The following ACMSD variants were observed in gnomAD, a reference collection of about 807,000 sequenced individuals.
The protein encoded by ACMSD is aminocarboxymuconate semialdehyde decarboxylase.
A neutral mutation model predicts 45.9 loss-of-function variants in ACMSD; 37 were observed. The ratio of observed to expected loss-of-function variants is 0.81; its 90% CI spans 0.62 to 1.06. The LOEUF is 1.06. Among genes scored for constraint, ACMSD ranks in the 50% least tolerant of loss-of-function variants. ACMSD has a pLI of 0.00. For synonymous variants in ACMSD, 138 were observed against 148.8 expected, an observed-to-expected ratio of 0.93 and a Z score of 0.53; for missense variants, 434 against 420.9, an observed-to-expected ratio of 1.03 and a Z score of -0.27.
intron 6 of ACMSD, among the ~76,000 whole-genome samples, chr2:134,870,232 A>T (rs1175609768): frequency 6.6e-6 from 1 of 152,230 alleles, no homozygotes; most frequent in South Asian, 2.1e-4. Context: ...GGCATTAGAC[A>T]TGGACCAGCT....
chr2:134,865,677 C>G (rs1688064250), intron 5 of ACMSD, among the ~76,000 whole-genome samples: 1 of 152,188 alleles, frequency 6.6e-6, no homozygotes, highest in African/African-American at 2.4e-5. Context: ...TATCATGAGC[C>G]AGGTTGGCTT....
At position 134,852,428 on chromosome 2, in the gene ACMSD, C is replaced by A. The variant is rs571383239; in HGVS notation, c.103-6833C>A. Among the ~76,000 whole-genome samples, 34 of 152,150 alleles carry A rather than the reference C, an allele frequency of 2.2e-4. No homozygotes were observed. In the South Asian group the frequency reaches 3.1e-3, roughly 14 times the overall value. The stretch of plus-strand genomic sequence containing the variant: ...AGCAGTGGAGGTGGAGAGAAGTGGA[C>A]CAGCCATCGTAGGCAATATTCTGGA... On this transcript the variant is annotated intron_variant, in intron 2 of 9. Transcript: ENST00000356140.
At chr2:134,893,552 T>C (rs545425638) in intron 8 of ACMSD, among the ~76,000 whole-genome samples, 28 of 152,274 alleles carry the variant, frequency 1.8e-4, no homozygotes, top group African/African-American at 6.7e-4. Context: ...CTCTGCCTCT[T>C]TTGTAGGCAT....
At chr2:134,842,450 C>T (rs1408192376) in intron 1 of ACMSD, among the ~76,000 whole-genome samples, 1 of 152,146 alleles carries the variant, frequency 6.6e-6, no homozygotes, top group Non-Finnish European at 1.5e-5. Context: ...TGGAATAAGA[C>T]TGTCGCCACA....
chr2:134,840,456 C>A (rs1181713957), intron 1 of ACMSD, among the ~76,000 whole-genome samples: 6 of 152,126 alleles, frequency 3.9e-5, no homozygotes. Flanking sequence ...CAGGTGAAAC[C>A]CTCATCCACA....
intron 8 of ACMSD, among the ~76,000 whole-genome samples, chr2:134,886,246 A>ATTATTATTATTATTTTTTT: frequency 8.7e-6 from 1 of 115,476 alleles, no homozygotes; most frequent in Middle Eastern, 4.0e-3. Flanking sequence ...TATTATTATT[A>ATTATTATTATTATTTTTTT]TTTTTTTTTT....
intron 2 of ACMSD, among the ~76,000 whole-genome samples, chr2:134,850,820 C>G (rs1687304993): frequency 1.3e-5 from 2 of 152,134 alleles, no homozygotes; most frequent in Admixed American, 1.3e-4. Context: ...TCAGAGGATA[C>G]AGGTGCAGGT....
Position 134,840,167 on chromosome 2 carries a change from C to CAAAAAAA in ACMSD, c.57+1448_57+1454dup, listed in dbSNP as rs1158518481. 4.8e-3 allele frequency among the ~76,000 whole-genome samples: 112 copies of CAAAAAAA among 23,422 alleles called. 19 individuals are homozygous for CAAAAAAA. The East Asian group carries it at 0.058, about 12-fold the overall frequency. 15.4% of individuals were successfully genotyped at this position (23,422 alleles called of 152,430 possible). ...TAAAATAGCCATAAACTATACCTAG[C>CAAAAAAA]AAAAAAAAAAAAAAAAAAAAAAAAA... is the stretch of plus-strand genomic sequence containing the variant. On this transcript the variant is annotated intron_variant, in intron 1 of 9. Transcript: ENST00000356140.
intron 6 of ACMSD, among the ~76,000 whole-genome samples, chr2:134,870,098 C>T (rs1455782403): frequency 1.3e-5 from 2 of 152,230 alleles, no homozygotes; most frequent in Non-Finnish European, 2.9e-5. Flanking sequence ...CCTAGCTCCG[C>T]AGCCTACAGA....
intron 8 of ACMSD, among the ~76,000 whole-genome samples, chr2:134,896,159 G>A (rs1690136868): frequency 6.6e-6 from 1 of 152,118 alleles, no homozygotes; most frequent in South Asian, 2.1e-4. Context: ...AACTCAAAAT[G>A]GATCAAAGAC....
intron 2 of ACMSD, among the ~76,000 whole-genome samples, chr2:134,854,231 G>A (rs1445845374): frequency 6.6e-6 from 1 of 152,154 alleles, no homozygotes; most frequent in African/African-American, 2.4e-5. Context: ...CATGCTCTCT[G>A]GCCTGGTGCT....
intron 8 of ACMSD, among the ~76,000 whole-genome samples, chr2:134,895,037 T>C (rs1690017719): frequency 6.6e-6 from 1 of 151,942 alleles, no homozygotes; most frequent in Admixed American, 6.6e-5. Context: ...GCACAAAATA[T>C]ATACCCTGCT....
intron 4 of ACMSD, among the ~76,000 whole-genome samples, chr2:134,862,247 T>C (rs6710628): frequency 0.06 from 9,183 of 152,174 alleles, 423 homozygotes; most frequent in African/African-American, 0.13. Flanking sequence ...TGCATTATAG[T>C]TTCACTGTAC....
chr2:134,848,122 A>C (rs932843566), intron 2 of ACMSD, among the ~76,000 whole-genome samples: 5 of 152,200 alleles, frequency 3.3e-5, no homozygotes, highest in Non-Finnish European at 7.3e-5. Flanking sequence ...AAGTGCTGGG[A>C]TTACAGGCGT....
At chr2:134,867,547 C>G in intron 5 of ACMSD, 32 bp from the exon 6 acceptor site, 40 of 1,542,062 alleles carry the variant, frequency 2.6e-5, no homozygotes, top group Non-Finnish European at 3.4e-5. Context: ...ATCAAAGTAA[C>G]CCTCTCTCTC....
intron 2 of ACMSD, among the ~76,000 whole-genome samples, chr2:134,847,921 G>A (rs2104821543): frequency 6.6e-6 from 1 of 150,600 alleles, no homozygotes; most frequent in Non-Finnish European, 1.5e-5. Flanking sequence ...GCACAATCCT[G>A]GCTCACCGCA....
At chr2:134,857,963 G>T (rs1687659818) in intron 2 of ACMSD, 2 of 151,656 alleles carry the variant, frequency 1.3e-5, no homozygotes, top group Admixed American at 1.3e-4. Context: ...CTATTGATAT[G>T]ATCATATGTT....
chr2:134,850,116 C>T (rs1349091706), intron 2 of ACMSD, among the ~76,000 whole-genome samples: 1 of 147,086 alleles, frequency 6.8e-6, no homozygotes, highest in Non-Finnish European at 1.5e-5. Flanking sequence ...GAAGTACTAA[C>T]CCCCTTAAAA....
intron 8 of ACMSD, among the ~76,000 whole-genome samples, chr2:134,887,778 C>G (rs747648292): frequency 6.6e-6 from 1 of 152,124 alleles, no homozygotes; most frequent in Admixed American, 6.5e-5. Flanking sequence ...GAAAGGAAAG[C>G]CTTTTCACAA....
Sources: gnomAD v4.1 joint callset for allele counts (sites outside exome capture counted in the v4.1 genomes callset) on GRCh38, gnomAD v4.1.1 for gene constraint, MANE v1.5 for transcripts, NCBI Gene and HGNC (gene_info 2026-07-23, HGNC 2026-07-21) for gene names.